OR51B5: variants seen among roughly 807,000 people sequenced by gnomAD.
OR51B5 encodes the protein olfactory receptor 51B5.
For missense variants in OR51B5, 456 were observed against 374.6 expected (o/e 1.22, Z -1.79); for synonymous variants, 186 against 144.8 (o/e 1.28, Z -2.04).
At chr11:5,379,021 A>G (rs1196862460) in intron 1 of OR51B5, among the ~76,000 whole-genome samples, 7 of 150,908 alleles carry the variant, frequency 4.6e-5, no homozygotes, top group Admixed American at 4.6e-4. Context: ...ACGTATGTTT[A>G]TTGCGGTACT....
chr11:5,463,455 T>G (rs1226245491), intron 1 of OR51B5, among the ~76,000 whole-genome samples: 2 of 152,226 alleles, frequency 1.3e-5, no homozygotes, highest in Non-Finnish European at 2.9e-5. Flanking sequence ...ATATATCATT[T>G]ACTGCCAGCC....
chr11:5,445,886 T>C (rs973429336), intron 1 of OR51B5, among the ~76,000 whole-genome samples: 3 of 151,864 alleles, frequency 2.0e-5, no homozygotes, highest in African/African-American at 7.3e-5. Flanking sequence ...AGTAGAAAGA[T>C]GGATACATCA....
chr11:5,400,846 T>C (rs1331241705), intron 1 of OR51B5, among the ~76,000 whole-genome samples: 6 of 152,216 alleles, frequency 3.9e-5, no homozygotes, highest in African/African-American at 1.4e-4. Flanking sequence ...AAGAACTTCA[T>C]AATAACCATT....
chr11:5,487,258 A>T (rs1851511431), intron 1 of OR51B5, among the ~76,000 whole-genome samples: 1 of 152,192 alleles, frequency 6.6e-6, no homozygotes, highest in African/African-American at 2.4e-5. Flanking sequence ...TGTTGTTAAA[A>T]TATAAATATC....
chr11:5,440,631 C>T, intron 1 of OR51B5: 1 of 1,613,794 alleles, frequency 6.2e-7, no homozygotes, highest in Non-Finnish European at 8.5e-7. Flanking sequence ...GGTTTTCACA[C>T]TGTAGATGAT....
chr11:5,363,056 G>A (rs1849309446), intron 1 of OR51B5, among the ~76,000 whole-genome samples: 1 of 151,472 alleles, frequency 6.6e-6, no homozygotes, highest in South Asian at 2.1e-4. Flanking sequence ...AAATGCAAGT[G>A]TTGTAAAATG....
At chr11:5,475,148 C>T (rs1020087564) in intron 1 of OR51B5, among the ~76,000 whole-genome samples, 2 of 152,158 alleles carry the variant, frequency 1.3e-5, no homozygotes, top group African/African-American at 4.8e-5. Context: ...ATTTCAATAA[C>T]ATCTTAATGG....
intron 1 of OR51B5, among the ~76,000 whole-genome samples, chr11:5,379,234 T>A: frequency 6.6e-6 from 1 of 151,894 alleles, no homozygotes; most frequent in African/African-American, 2.4e-5. Context: ...CACCACATAT[T>A]CTCACTCATA....
At position 5,485,727 on chromosome 11, in the gene OR51B5, C is replaced by G. The variant is rs534815988; in HGVS notation, n.84+19842G>C. On this transcript the variant is annotated intron_variant and non_coding_transcript_variant, in intron 1 of 4. Coordinates refer to the OR51B5 transcript ENST00000415970. ...TCTGAAATGTTCTTCCTTCTGAGAT[C>G]TGCATGGCTAGCTCTTTTGACTCAA... Among the ~76,000 whole-genome samples the G allele has an allele frequency of 1.3e-3, 200 of 152,268 alleles. 7 individuals are homozygous for G. In the South Asian group the frequency reaches 0.04, roughly 31 times the overall value.
chr11:5,492,363 T>C (rs1185993500), intron 1 of OR51B5, among the ~76,000 whole-genome samples: 2 of 152,126 alleles, frequency 1.3e-5, no homozygotes, highest in East Asian at 3.9e-4. Flanking sequence ...TCACTCCATG[T>C]TATTTGACTT....
At chr11:5,353,015 C>T (rs1011664938) in intron 1 of OR51B5, among the ~76,000 whole-genome samples, 1 of 151,438 alleles carries the variant, frequency 6.6e-6, no homozygotes, top group Non-Finnish European at 1.5e-5. Flanking sequence ...TCCTGTTATA[C>T]ATAGGAATAA....
chr11:5,385,452 A>G (rs1170985740), intron 1 of OR51B5: 1 of 152,168 alleles, frequency 6.6e-6, no homozygotes, highest in Non-Finnish European at 1.5e-5. Flanking sequence ...AAGAATCAGG[A>G]TAAGAGGTGA....
intron 1 of OR51B5, among the ~76,000 whole-genome samples, chr11:5,365,447 A>G (rs1055991655): frequency 6.6e-6 from 1 of 152,228 alleles, no homozygotes; most frequent in African/African-American, 2.4e-5. Flanking sequence ...GGAGAGATGC[A>G]TTTAGATGAA....
intron 1 of OR51B5, among the ~76,000 whole-genome samples, chr11:5,362,333 A>G (rs1016356922): frequency 5.9e-5 from 9 of 152,236 alleles, no homozygotes; most frequent in African/African-American, 2.2e-4. Flanking sequence ...GCAAAAAGCC[A>G]TTCAGAGCCA....
chr11:5,492,764 G>A (rs1056751940), intron 1 of OR51B5, among the ~76,000 whole-genome samples: 1 of 152,092 alleles, frequency 6.6e-6, no homozygotes, highest in African/African-American at 2.4e-5. Flanking sequence ...AGCTTCCTGA[G>A]TAACTGGGAT....
At chr11:5,468,365 G>A (rs768770616) in intron 1 of OR51B5, 15 of 222,202 alleles carry the variant, frequency 6.8e-5, no homozygotes, top group Non-Finnish European at 1.3e-4. Flanking sequence ...CTTCTGGCAG[G>A]TACACAATTA....
rs1012942618 is a variant in OR51B5, at chr11:5,481,779, C to T, written n.84+23790G>A. Among the ~76,000 whole-genome samples, 39 of 127,082 alleles carry T rather than the reference C, an allele frequency of 3.1e-4. No homozygotes were observed. In the South Asian group the frequency reaches 0.012, roughly 38 times the overall value. 83.4% of individuals were successfully genotyped at this position (127,082 alleles called of 152,430 possible). A position where few individuals can be genotyped will look rare whatever the true frequency, so the allele number is the denominator to read the frequency against. Reference sequence around the variant, plus strand: ...AATTGCTTCAAAGAGAATAAAATACCTAGGAATCCAACTTACAAGGGATGT... The same window carrying T: ...AATTGCTTCAAAGAGAATAAAATACTTAGGAATCCAACTTACAAGGGATGT... On this transcript the variant is annotated intron_variant and non_coding_transcript_variant, in intron 1 of 4. Coordinates refer to the OR51B5 transcript ENST00000415970.
At chr11:5,434,991 T>A (rs74338885) in intron 1 of OR51B5, among the ~76,000 whole-genome samples, 2 of 152,086 alleles carry the variant, frequency 1.3e-5, no homozygotes, top group Non-Finnish European at 2.9e-5. Flanking sequence ...GAATGGCAGA[T>A]AGATTTTTTT....
exon 1 of OR51B5, chr11:5,343,365 G>C: frequency 6.2e-7 from 1 of 1,613,734 alleles, no homozygotes; most frequent in Non-Finnish European, 8.5e-7. Context: ...ATGGGCTCAT[G>C]AAGATTGTGA....
Sources: allele counts gnomAD v4.1 joint callset (sites outside exome capture counted in the v4.1 genomes callset), GRCh38; gene constraint gnomAD v4.1.1; transcripts MANE v1.5; gene names NCBI Gene and HGNC (gene_info 2026-07-23, HGNC 2026-07-21).